Variants in SETD7 observed in about 807,000 individuals in gnomAD.
SETD7 encodes the protein histone-lysine N-methyltransferase SETD7.
A neutral mutation model predicts 41.8 loss-of-function variants in SETD7; 16 were observed. The observed-to-expected ratio is 0.38, with a 90% CI of 0.26 to 0.58. The LOEUF (loss-of-function observed/expected upper bound fraction) is 0.58. Among genes scored for constraint, SETD7 ranks in the 20% least tolerant of loss-of-function variants. The probability of loss-of-function intolerance (pLI) is 0.64; values close to 1 mark genes in which losing one functional copy is unlikely to be tolerated. For missense variants in SETD7, 346 were observed against 459.7 expected (o/e 0.75, Z 2.26); for synonymous variants, 163 against 169.7 (o/e 0.96, Z 0.31).
chr4:139,498,020 A>C (rs1317393856), intron 7 of SETD7, among the ~76,000 whole-genome samples: 3 of 152,206 alleles, frequency 2.0e-5, no homozygotes, highest in South Asian at 2.1e-4. Flanking sequence ...GGGAAAGTGC[A>C]GGAGATTTAC....
intron 4 of SETD7, among the ~76,000 whole-genome samples, 187 bp downstream of exon 4, chr4:139,528,844 C>T (rs34924093): frequency 0.024 from 3,673 of 152,258 alleles, 78 homozygotes; most frequent in Non-Finnish European, 0.041. Context: ...TACAGCTGCT[C>T]GGCAGAGCTG....
At chr4:139,543,685 G>A (rs1220834246) in intron 2 of SETD7, among the ~76,000 whole-genome samples, 1 of 151,826 alleles carries the variant, frequency 6.6e-6, no homozygotes, top group Non-Finnish European at 1.5e-5. Context: ...GGGCGTAGTG[G>A]CTCACACCCG....
chr4:139,510,783 A>G lies in SETD7; in HGVS notation c.*880T>C, dbSNP rs1726849642. 6.6e-6 allele frequency: 1 copy of G among 152,546 alleles called. No homozygotes were observed. 9.4% of individuals were successfully genotyped at this position (152,546 alleles called of 1,614,324 possible). ...ACTAGCACTACTGAAAATATTGCAA[A>G]ATTGCCATAGTTACCGCTTAGAGAT... On this transcript the variant is annotated 3_prime_UTR_variant, in exon 8 of 8. Coordinates refer to ENST00000274031, the MANE Select transcript of SETD7 (RefSeq NM_030648.4).
chr4:139,530,489 T>C (rs780346654), intron 3 of SETD7, among the ~76,000 whole-genome samples: 16 of 152,122 alleles, frequency 1.1e-4, no homozygotes, highest in Non-Finnish European at 1.8e-4. Context: ...ATATAGTCAT[T>C]GCTCTTTCTT....
chr4:139,513,271 T>G (rs898843183), intron 7 of SETD7, among the ~76,000 whole-genome samples: 2 of 151,528 alleles, frequency 1.3e-5, no homozygotes, highest in Non-Finnish European at 2.9e-5. Context: ...AATGCAAAAA[T>G]TAGCTGGGTG....
At chr4:139,517,374 C>T (rs1477750660) in intron 7 of SETD7, among the ~76,000 whole-genome samples, 1 of 151,048 alleles carries the variant, frequency 6.6e-6, no homozygotes, top group Non-Finnish European at 1.5e-5. Flanking sequence ...ACTTGAGAGG[C>T]TGAGGCAGGA....
intron 2 of SETD7, among the ~76,000 whole-genome samples, chr4:139,537,337 G>A (rs1429058256): frequency 1.3e-5 from 2 of 152,132 alleles, no homozygotes; most frequent in Non-Finnish European, 2.9e-5. Context: ...TGTTAATATC[G>A]GGTCATATTT....
At chr4:139,519,060 C>T (rs963849955) in intron 6 of SETD7, among the ~76,000 whole-genome samples, 1 of 152,208 alleles carries the variant, frequency 6.6e-6, no homozygotes, top group African/African-American at 2.4e-5. Context: ...GCCGGGCACT[C>T]TTCTAGGTGC....
chr4:139,511,981 C>A (rs986363833), intron 7 of SETD7, 138 bp from the exon 8 acceptor site: 6 of 1,417,514 alleles, frequency 4.2e-6, no homozygotes, highest in Non-Finnish European at 4.6e-6. Flanking sequence ...AGTGTGGTCA[C>A]CCAGCATCAG....
intron 3 of SETD7, among the ~76,000 whole-genome samples, chr4:139,530,121 A>T (rs1727442068): frequency 6.6e-6 from 1 of 152,202 alleles, no homozygotes; most frequent in South Asian, 2.1e-4. Flanking sequence ...AGTAATGAAT[A>T]ATTTAAGCTA....
chr4:139,530,991 A>T (rs1560685272), intron 3 of SETD7, among the ~76,000 whole-genome samples: 1 of 151,958 alleles, frequency 6.6e-6, no homozygotes. Context: ...GGGGAAAGAA[A>T]CGGCTGCTTT....
intron 2 of SETD7, among the ~76,000 whole-genome samples, chr4:139,544,886 C>T (rs951529353): frequency 1.3e-5 from 2 of 151,442 alleles, no homozygotes; most frequent in Non-Finnish European, 2.9e-5. Context: ...CCCTCTCTTT[C>T]AGCTCCCACT....
intron 3 of SETD7, among the ~76,000 whole-genome samples, chr4:139,530,322 T>G (rs1271230914): frequency 4.0e-5 from 6 of 150,800 alleles, no homozygotes; most frequent in Non-Finnish European, 7.4e-5. Context: ...AAGCCAATGA[T>G]GTAGGATGAC....
chr4:139,553,747 T>C (rs2111182014), intron 1 of SETD7, among the ~76,000 whole-genome samples: 1 of 152,328 alleles, frequency 6.6e-6, no homozygotes, highest in East Asian at 1.9e-4. Flanking sequence ...ATGATAATAA[T>C]AGCTATGACA....
At chr4:139,535,894 C>T (rs924077814) in intron 2 of SETD7, among the ~76,000 whole-genome samples, 1 of 152,000 alleles carries the variant, frequency 6.6e-6, no homozygotes, top group Non-Finnish European at 1.5e-5. Flanking sequence ...TTTTAAAATC[C>T]TCTGTCATTG....
At chr4:139,518,735 G>A (rs1383050240) in intron 6 of SETD7, among the ~76,000 whole-genome samples, 5 of 152,190 alleles carry the variant, frequency 3.3e-5, no homozygotes, top group African/African-American at 1.2e-4. Flanking sequence ...CTCTAGGCAA[G>A]TCCTCCACCT....
intron 1 of SETD7, among the ~76,000 whole-genome samples, chr4:139,548,513 T>A (rs1728023452): frequency 6.6e-6 from 1 of 152,094 alleles, no homozygotes; most frequent in Non-Finnish European, 1.5e-5. Flanking sequence ...ACGTCTGTAA[T>A]CCCAGCTACT....
At position 139,511,671 on chromosome 4, in the gene SETD7, G is replaced by T; in HGVS notation, c.1093C>A (p.Gln365Lys). Reference protein sequence around the residue: ...VELKAFQATQQK With the variant: ...VELKAFQATQKK ...CCCCAAAGCCAGGCCTTTCACTTTT[G>T]CTGGGTGGCCTGGAAGGCCTTCAGC... The change falls in exon 8 of 8, where the codon CAA (glutamine) becomes AAA (lysine). Residue 365 changes from glutamine to lysine, a missense_variant. This residue lies in a region of SETD7 where 5 missense variants were observed against 17.2 expected (regional missense o/e 0.29). Coordinates refer to ENST00000274031, the MANE Select transcript of SETD7 (RefSeq NM_030648.4). The T allele has an allele frequency of 6.2e-7, 1 of 1,613,614 alleles. No individual in the cohort carries two copies. The highest frequency in any genetic ancestry group is 1.1e-5 in the South Asian group (1 of 91,042).
chr4:139,518,101 C>A, intron 6 of SETD7, 59 bp from the exon 7 acceptor site: 1 of 1,513,982 alleles, frequency 6.6e-7, no homozygotes, highest in Non-Finnish European at 8.9e-7. Context: ...GGTCAAAGGA[C>A]ATCAGAGATA....
Sources: gnomAD v4.1 joint callset for allele counts (sites outside exome capture counted in the v4.1 genomes callset) on GRCh38, gnomAD v4.1.1 for gene constraint, gnomAD v4.1.1 regional missense constraint, MANE v1.5 for transcripts, NCBI Gene and HGNC (gene_info 2026-07-23, HGNC 2026-07-21) for gene names.